NUMB: variants seen among roughly 807,000 people sequenced by gnomAD.
NUMB encodes NUMB endocytic adaptor protein.
In NUMB, 29 loss-of-function variants were observed where a neutral mutation model predicts 59.7. The ratio of observed to expected loss-of-function variants is 0.49; its 90% CI spans 0.36 to 0.66. The LOEUF (loss-of-function observed/expected upper bound fraction) is 0.66. Among genes scored for constraint, NUMB ranks in the 30% least tolerant of loss-of-function variants. The pLI is 0.00. For missense variants in NUMB, 723 were observed against 822.0 expected (o/e 0.88, Z 1.47); for synonymous variants, 288 against 288.2 (o/e 1.00, Z 0.01).
At chr14:73,431,859 T>C (rs1159067742) in intron 1 of NUMB, among the ~76,000 whole-genome samples, 1 of 152,094 alleles carries the variant, frequency 6.6e-6, no homozygotes, top group Non-Finnish European at 1.5e-5. Context: ...ACTTACTCTT[T>C]CTAAAATCTT....
At chr14:73,299,595 TATATG>T (rs1349052657) in intron 6 of NUMB, among the ~76,000 whole-genome samples, 2 of 150,678 alleles carry the variant, frequency 1.3e-5, no homozygotes, top group East Asian at 1.9e-4. Flanking sequence ...TCATGTCATA[TATATG>T]ATATGACATA....
chr14:73,444,074 G>A lies in NUMB; in HGVS notation c.-233+14419C>T, dbSNP rs554617415. On this transcript the variant is annotated intron_variant, in intron 1 of 12. Coordinates refer to ENST00000555238, the MANE Select transcript of NUMB (RefSeq NM_001005743.2). ...AGGCACGCACCACCTTGCCCGGGCCGAGAGCTTTTAAATATGACAAACCTT... is the reference window on the plus strand; with the variant it reads ...AGGCACGCACCACCTTGCCCGGGCCAAGAGCTTTTAAATATGACAAACCTT... 3.3e-5 allele frequency among the ~76,000 whole-genome samples: 5 copies of A among 152,132 alleles called. No homozygotes were observed. In the South Asian group the frequency reaches 6.2e-4, roughly 19 times the overall value.
At chr14:73,454,345 A>G (rs544713789) in intron 1 of NUMB, among the ~76,000 whole-genome samples, 4 of 152,218 alleles carry the variant, frequency 2.6e-5, no homozygotes, top group Non-Finnish European at 5.9e-5. Context: ...GTAGCTTTTC[A>G]AGTACTCTAT....
At chr14:73,402,939 T>C (rs1896488620) in intron 2 of NUMB, among the ~76,000 whole-genome samples, 1 of 152,216 alleles carries the variant, frequency 6.6e-6, no homozygotes. Context: ...AAACACAATT[T>C]TGATATAAAA....
chr14:73,290,757 G>A (rs1239736397), intron 8 of NUMB, among the ~76,000 whole-genome samples: 2 of 152,088 alleles, frequency 1.3e-5, no homozygotes, highest in Admixed American at 6.6e-5. Context: ...TCAGATTTTG[G>A]AATATTTGCA....
At chr14:73,361,325 T>C (rs1894086630) in intron 3 of NUMB, among the ~76,000 whole-genome samples, 1 of 152,228 alleles carries the variant, frequency 6.6e-6, no homozygotes, top group South Asian at 2.1e-4. Flanking sequence ...CAAAATAATC[T>C]TAACTAATGT....
At chr14:73,350,229 A>G (rs917583958) in intron 4 of NUMB, among the ~76,000 whole-genome samples, 3 of 142,764 alleles carry the variant, frequency 2.1e-5, no homozygotes, top group African/African-American at 8.0e-5. Context: ...GCTGGGGTGC[A>G]GTGGCGTGAT....
chr14:73,372,178 AC>A (rs1162391221), intron 2 of NUMB, among the ~76,000 whole-genome samples: 1 of 151,120 alleles, frequency 6.6e-6, no homozygotes, highest in East Asian at 1.9e-4. Flanking sequence ...GGGTGCAGTG[AC>A]CCAAGATCAT....
At chr14:73,398,392 C>G (rs28725406) in intron 2 of NUMB, among the ~76,000 whole-genome samples, 3,746 of 133,698 alleles carry the variant, frequency 0.028, 95 homozygotes, top group East Asian at 0.14. Flanking sequence ...GAGACACACA[C>G]AGAGAGAGAG....
chr14:73,408,877 C>CAAAAAAAAAAAA (rs368923818), intron 2 of NUMB, among the ~76,000 whole-genome samples: 1 of 125,126 alleles, frequency 8.0e-6, no homozygotes, highest in African/African-American at 3.0e-5. Flanking sequence ...AACTCCTTCT[C>CAAAAAAAAAAAA]AAAAAAAAAA....
chr14:73,356,219 A>G (rs1893773624), intron 3 of NUMB, among the ~76,000 whole-genome samples: 1 of 152,226 alleles, frequency 6.6e-6, no homozygotes, highest in South Asian at 2.1e-4. Context: ...AGTTATTAAG[A>G]AAAAAATCAT....
At chr14:73,393,855 A>G (rs549335970) in intron 2 of NUMB, among the ~76,000 whole-genome samples, 1 of 152,378 alleles carries the variant, frequency 6.6e-6, no homozygotes, top group Admixed American at 6.5e-5. Flanking sequence ...CACCATTAGT[A>G]GCAACTTTCA....
At chr14:73,344,901 T>TA (rs1265225158) in intron 4 of NUMB, among the ~76,000 whole-genome samples, 2 of 152,190 alleles carry the variant, frequency 1.3e-5, no homozygotes, top group African/African-American at 4.8e-5. Context: ...ATACCAGCAT[T>TA]AAAAAATATG....
chr14:73,416,912 C>T (rs970625452), intron 1 of NUMB, among the ~76,000 whole-genome samples: 1 of 151,606 alleles, frequency 6.6e-6, no homozygotes, highest in African/African-American at 2.4e-5. Context: ...CACCACGCCC[C>T]CTTATCCTGT....
intron 4 of NUMB, among the ~76,000 whole-genome samples, chr14:73,331,818 G>A (rs1489711284): frequency 3.9e-5 from 6 of 152,222 alleles, no homozygotes; most frequent in Admixed American, 2.0e-4. Context: ...CTTCTGCCAC[G>A]ATTGCAAGTT....
chr14:73,455,651 AT>A (rs1463237461), intron 1 of NUMB, among the ~76,000 whole-genome samples: 1 of 152,228 alleles, frequency 6.6e-6, no homozygotes, highest in African/African-American at 2.4e-5. Context: ...TCCTTTAAAA[AT>A]ATCTGTATAT....
intron 1 of NUMB, among the ~76,000 whole-genome samples, chr14:73,422,569 A>T (rs72736363): frequency 0.038 from 5,814 of 152,238 alleles, 159 homozygotes; most frequent in Non-Finnish European, 0.061. Flanking sequence ...TCTGCAGGAT[A>T]TACAAGCATG....
At chr14:73,295,059 C>CAAAAAA in intron 7 of NUMB, among the ~76,000 whole-genome samples, 1 of 67,198 alleles carries the variant, frequency 1.5e-5, no homozygotes, top group Non-Finnish European at 2.7e-5. Context: ...GGCACTGTCT[C>CAAAAAA]AAAAAAAAAA....
At chr14:73,282,781 T>G (rs1303631913) in intron 10 of NUMB, among the ~76,000 whole-genome samples, 2 of 152,224 alleles carry the variant, frequency 1.3e-5, no homozygotes, top group African/African-American at 4.8e-5. Flanking sequence ...TTCTTCTTCT[T>G]ATAACACTGT....
Sources: gnomAD v4.1 joint callset for allele counts (sites outside exome capture counted in the v4.1 genomes callset) on GRCh38, gnomAD v4.1.1 for gene constraint, MANE v1.5 for transcripts, NCBI Gene and HGNC (gene_info 2026-07-23, HGNC 2026-07-21) for gene names.